Variants in MYBL1 observed in about 807,000 individuals in gnomAD.
MYBL1 encodes myb-related protein A.
MYBL1 carries 17 observed loss-of-function variants against 96.3 expected under a neutral mutation model. That is an observed-to-expected ratio of 0.18 (90% CI 0.12 to 0.26). The LOEUF (loss-of-function observed/expected upper bound fraction) is 0.26, where lower values mean the gene tolerates loss of function less well. Ranked by LOEUF, MYBL1 falls within the 10% of genes least tolerant of loss-of-function variation. MYBL1 has a pLI of 1.00. For missense variants in MYBL1, 701 were observed against 882.9 expected, an observed-to-expected ratio of 0.79 and a Z score of 2.61; for synonymous variants, 282 against 292.7, an observed-to-expected ratio of 0.96 and a Z score of 0.37.
At chr8:66,604,320 C>T (rs916423465) in intron 1 of MYBL1, among the ~76,000 whole-genome samples, 1 of 151,986 alleles carries the variant, frequency 6.6e-6, no homozygotes, top group Non-Finnish European at 1.5e-5. Context: ...GTCAGGAGTT[C>T]GAGACCAGCC....
chr8:66,602,733 ATTTTTTTTTTT>A (rs143426704), intron 1 of MYBL1, among the ~76,000 whole-genome samples: 1 of 28,152 alleles, frequency 3.6e-5, no homozygotes, highest in African/African-American at 1.8e-4. Flanking sequence ...ATATATATAT[ATTTTTTTTTTT>A]TTTTTTTTTT....
At chr8:66,584,298 C>T (rs1444128878) in intron 8 of MYBL1, among the ~76,000 whole-genome samples, 1 of 152,122 alleles carries the variant, frequency 6.6e-6, no homozygotes, top group African/African-American at 2.4e-5. Context: ...AGCTTTTTCT[C>T]TAAGATCTCA....
intron 14 of MYBL1, 52 bp downstream of exon 14, chr8:66,566,632 T>C (rs1808513487): frequency 7.3e-6 from 9 of 1,233,760 alleles, no homozygotes; most frequent in Non-Finnish European, 1.0e-5. Context: ...TAAGAACCTC[T>C]AGGACTTAAA....
At chr8:66,575,959 A>G in intron 10 of MYBL1, 48 bp downstream of exon 10, 2 of 1,552,234 alleles carry the variant, frequency 1.3e-6, no homozygotes, top group Non-Finnish European at 1.7e-6. Flanking sequence ...ATCTAATTTA[A>G]TGTAACTCAT....
chr8:66,564,907 T>A, intron 15 of MYBL1, 82 bp from the exon 16 acceptor site: 2 of 819,872 alleles, frequency 2.4e-6, no homozygotes, highest in Non-Finnish European at 3.5e-6. Context: ...AGTCAGTTAT[T>A]TTAACTGATT....
At chr8:66,566,521 T>C (rs1808509547) in intron 14 of MYBL1, among the ~76,000 whole-genome samples, 163 bp downstream of exon 14, 1 of 152,128 alleles carries the variant, frequency 6.6e-6, no homozygotes, top group African/African-American at 2.4e-5. Flanking sequence ...AAATAAAATA[T>C]TCTCTACAGT....
chr8:66,578,926 T>C (rs1809084045), intron 9 of MYBL1, among the ~76,000 whole-genome samples: 1 of 152,172 alleles, frequency 6.6e-6, no homozygotes, highest in South Asian at 2.1e-4. Context: ...TCATGTCCTT[T>C]GTAGGGACAT....
chr8:66,607,468 G>T (rs917031394), intron 1 of MYBL1, among the ~76,000 whole-genome samples: 1 of 152,056 alleles, frequency 6.6e-6, no homozygotes, highest in Admixed American at 6.5e-5. Flanking sequence ...CACAGTACCT[G>T]CCACTCAAAT....
intron 8 of MYBL1, among the ~76,000 whole-genome samples, chr8:66,587,707 TTC>T (rs1809475919): frequency 6.6e-6 from 1 of 152,154 alleles, no homozygotes; most frequent in South Asian, 2.1e-4. Context: ...ACTCCAAACT[TTC>T]TGAGATGATG....
At chr8:66,577,884 T>C (rs538300099) in intron 9 of MYBL1, among the ~76,000 whole-genome samples, 1 of 152,242 alleles carries the variant, frequency 6.6e-6, no homozygotes, top group South Asian at 2.1e-4. Flanking sequence ...AACAGAGATA[T>C]AGATCAATGG....
intron 8 of MYBL1, among the ~76,000 whole-genome samples, chr8:66,582,206 T>C (rs1472516438): frequency 1.3e-5 from 2 of 151,940 alleles, no homozygotes; most frequent in African/African-American, 2.4e-5. Flanking sequence ...ACCCTGAATG[T>C]AAACAGATTA....
At chr8:66,578,745 AC>A (rs1436445391) in intron 9 of MYBL1, among the ~76,000 whole-genome samples, 1 of 152,228 alleles carries the variant, frequency 6.6e-6, no homozygotes, top group Non-Finnish European at 1.5e-5. Flanking sequence ...TACCCAAAGG[AC>A]TATAAATCAT....
At chr8:66,565,494 T>C (rs1808468908) in intron 15 of MYBL1, 1 of 152,284 alleles carries the variant, frequency 6.6e-6, no homozygotes, top group African/African-American at 2.4e-5. Context: ...TCAGGAATAC[T>C]AGTGCTGCAG....
chr8:66,572,406 A>G lies in MYBL1; in HGVS notation c.1728+76T>C, dbSNP rs1808772188. On this transcript the variant is annotated intron_variant, in intron 12 of 15. Transcript: ENST00000522677. ...AAATATCTTTTTTTAAATGTTAAAA[A>G]TCAAAGTGATAAAAATCATAATTTG... The G allele has an allele frequency of 1.2e-5, 8 of 661,810 alleles. 1 individual carries two copies. The South Asian group carries it at 1.8e-4, about 15-fold the overall frequency. 41.0% of individuals were successfully genotyped at this position (661,810 alleles called of 1,614,324 possible).
Position 66,562,883 on chromosome 8 carries a change from C to T in MYBL1, c.*1814G>A, listed in dbSNP as rs1467238448. ...TTATCAATAAGGCATAATCTTAGTA[C>T]CATACATTTTCTTCACTTCTCACTA... On this transcript the variant is annotated 3_prime_UTR_variant, in exon 16 of 16. Transcript: ENST00000522677. 1 of 149,122 alleles carries T rather than the reference C, an allele frequency of 6.7e-6. No homozygotes were observed. Among genetic ancestry groups the T allele is most frequent in the African/African-American group, 2.5e-5 (1 of 40,784 alleles). 9.2% of individuals were successfully genotyped at this position (149,122 alleles called of 1,614,324 possible).
intron 1 of MYBL1, chr8:66,612,075 G>A (rs1289433074): frequency 2.0e-5 from 3 of 152,124 alleles, no homozygotes; most frequent in Non-Finnish European, 4.4e-5. Context: ...CCAGGCAAAG[G>A]TGGAAAAAAG....
chr8:66,611,950 C>T (rs1563557877), intron 1 of MYBL1, among the ~76,000 whole-genome samples: 1 of 152,122 alleles, frequency 6.6e-6, no homozygotes, highest in Non-Finnish European at 1.5e-5. Context: ...TGCTGAAAAT[C>T]GGAAGACATC....
intron 12 of MYBL1, among the ~76,000 whole-genome samples, chr8:66,569,772 C>T (rs926195737): frequency 2.0e-5 from 3 of 152,172 alleles, no homozygotes; most frequent in Non-Finnish European, 4.4e-5. Context: ...AAGAATTATT[C>T]TCTTAATTGT....
intron 12 of MYBL1, among the ~76,000 whole-genome samples, chr8:66,569,825 T>C (rs1413137750): frequency 6.6e-6 from 1 of 152,260 alleles, no homozygotes; most frequent in Non-Finnish European, 1.5e-5. Context: ...TTAATACTTT[T>C]CAGGTTTGAT....
Sources: allele counts gnomAD v4.1 joint callset (sites outside exome capture counted in the v4.1 genomes callset), GRCh38; gene constraint gnomAD v4.1.1; transcripts MANE v1.5; gene names NCBI Gene and HGNC (gene_info 2026-07-23, HGNC 2026-07-21).